ZNF185: variants seen among roughly 807,000 people sequenced by gnomAD.
The protein encoded by ZNF185 is zinc finger protein 185.
In ZNF185, 56 loss-of-function variants were observed where a neutral mutation model predicts 58.6. The observed-to-expected ratio is 0.95, with a 90% CI of 0.77 to 1.19. The LOEUF (loss-of-function observed/expected upper bound fraction) is 1.19, where lower values mean the gene tolerates loss of function less well. Ranked by LOEUF, ZNF185 falls within the 50% of genes most tolerant of loss-of-function variation. The pLI is 0.00. For synonymous variants in ZNF185, 230 were observed against 215.9 expected, an observed-to-expected ratio of 1.07 and a Z score of -0.57; for missense variants, 627 against 573.5, an observed-to-expected ratio of 1.09 and a Z score of -0.95.
the ZNF185 span, among the ~76,000 whole-genome samples, chrX:152,908,772 T>C: frequency 8.8e-6 from 1 of 113,302 alleles, no homozygotes; most frequent in African/African-American, 3.2e-5. Flanking sequence ...CTCAGAGCCC[T>C]GGGAGTGTGG....
At chrX:152,913,742 G>A (rs1197772993), upstream of ZNF185, among the ~76,000 whole-genome samples, 1 of 112,143 alleles carries the variant, frequency 8.9e-6, no homozygotes, top group Non-Finnish European at 1.9e-5. Context: ...CGCTGTTTGA[G>A]GACCACCGCG....
At chrX:152,969,532 C>T (rs2050460213) in intron 21 of ZNF185, 48 bp downstream of exon 23, 4 of 1,027,018 alleles carry the variant, frequency 3.9e-6, no homozygotes, top group Non-Finnish European at 5.4e-6. Context: ...AACTCCTGAT[C>T]ACGTGCTGCT....
chrX:152,948,971 A>T (rs1233896559), intron 16 of ZNF185, among the ~76,000 whole-genome samples: 1 of 111,852 alleles, frequency 8.9e-6, no homozygotes, highest in Non-Finnish European at 1.9e-5. Flanking sequence ...CATGTAAGAA[A>T]TGATGGGGCC....
intron 15 of ZNF185, chrX:152,941,541 G>A (rs2047181693): frequency 1.9e-6 from 1 of 516,687 alleles, no homozygotes; most frequent in East Asian, 1.8e-4. Flanking sequence ...CAGGACGTGT[G>A]CGCCTGCGCG....
At chrX:152,927,413 C>T (rs1556873406) in intron 11 of ZNF185, among the ~76,000 whole-genome samples, 1 of 111,362 alleles carries the variant, frequency 9.0e-6, no homozygotes, top group African/African-American at 3.3e-5. Flanking sequence ...GCCCGCTGAC[C>T]CAGCCCTCCA....
intron 16 of ZNF185, among the ~76,000 whole-genome samples, chrX:152,954,550 C>T (rs1364743278): frequency 8.9e-6 from 1 of 112,091 alleles, no homozygotes; most frequent in Non-Finnish European, 1.9e-5. Flanking sequence ...CGTGAGGTAG[C>T]CTTATGGACT....
intron 14 of ZNF185, 36 bp downstream of exon 16, chrX:152,936,549 A>C: frequency 1.8e-6 from 2 of 1,117,595 alleles, no homozygotes; most frequent in Non-Finnish European, 2.4e-6. Context: ...GCCCTATCCC[A>C]TTGCCAGACA....
intron 1 of ZNF185, 40 bp downstream of exon 2, chrX:152,914,563 G>T: frequency 8.6e-7 from 1 of 1,157,506 alleles, no homozygotes; most frequent in Admixed American, 2.6e-5. Context: ...CTCTGTTTGG[G>T]GCTGTTTGCT....
chrX:152,920,299 A>G, intron 7 of ZNF185, 29 bp from the exon 9 acceptor site: 2 of 1,200,586 alleles, frequency 1.7e-6, no homozygotes, highest in Non-Finnish European at 2.3e-6. Flanking sequence ...GGCACCCATC[A>G]GATGCTCCCC....
chrX:152,937,283 C>G (rs1032438287), intron 14 of ZNF185, among the ~76,000 whole-genome samples: 3 of 111,891 alleles, frequency 2.7e-5, no homozygotes, highest in Non-Finnish European at 5.6e-5. Context: ...AGCAGCAGCT[C>G]TCTTACACAG....
intron 14 of ZNF185, among the ~76,000 whole-genome samples, chrX:152,936,780 CA>C (rs2046338347): frequency 9.1e-6 from 1 of 110,212 alleles, no homozygotes; most frequent in Admixed American, 9.7e-5. Flanking sequence ...GAGAGGAGGG[CA>C]TCTGAAGGCA....
chrX:152,969,609 A>G, intron 21 of ZNF185, 125 bp downstream of exon 23: 1 of 513,938 alleles, frequency 1.9e-6, no homozygotes, highest in Non-Finnish European at 3.3e-6. Flanking sequence ...TGATCTCCAT[A>G]TACAATTGCA....
chrX:152,922,888 T>C, intron 11 of ZNF185, 79 bp downstream of exon 12: 1 of 957,763 alleles, frequency 1.0e-6, no homozygotes, highest in Non-Finnish European at 1.5e-6. Context: ...TTCTGCCAGC[T>C]GGGGAGGGTC....
rs144833973 is a variant in ZNF185, at chrX:152,936,868, G to A, written c.1122-1206G>A. On this transcript the variant is annotated intron_variant, in intron 14 of 22. Transcript: ENST00000449285. The stretch of plus-strand genomic sequence containing the variant: ...GACTACAGCCAGGTTTAGCAAGCAG[G>A]AGTCAGGGAGAAGATTCCCAGGGGC... Among the ~76,000 whole-genome samples, 429 of 110,350 alleles carry A rather than the reference G, an allele frequency of 3.9e-3. 7 individuals are homozygous for A. Among genetic ancestry groups the A allele is most frequent in the African/African-American group, 0.014 (413 of 30,295 alleles).
chrX:152,929,473 C>T (rs1435628700), intron 12 of ZNF185, among the ~76,000 whole-genome samples: 1 of 111,128 alleles, frequency 9.0e-6, no homozygotes, highest in Non-Finnish European at 1.9e-5. Context: ...GGCCTCTCAA[C>T]AGTGTGGTGG....
chrX:152,945,162 G>T, intron 15 of ZNF185, 105 bp from the exon 18 acceptor site: 1 of 898,182 alleles, frequency 1.1e-6, no homozygotes, highest in African/African-American at 2.0e-5. Context: ...TCAGGGATAT[G>T]AGTCCCTCCA....
At chrX:152,953,493 C>T (rs1350723090) in intron 16 of ZNF185, among the ~76,000 whole-genome samples, 6 of 111,322 alleles carry the variant, frequency 5.4e-5, no homozygotes, top group African/African-American at 1.3e-4. Context: ...CCCAAGGGTT[C>T]GAGACCAGCC....
chrX:152,931,850 A>G, intron 13 of ZNF185, 74 bp downstream of exon 14: 1 of 928,663 alleles, frequency 1.1e-6, no homozygotes. Flanking sequence ...AAGGACTTCC[A>G]TGGCCTCCGG....
At chrX:152,925,442 G>A (rs1556872097) in intron 11 of ZNF185, among the ~76,000 whole-genome samples, 1 of 112,743 alleles carries the variant, frequency 8.9e-6, no homozygotes, top group Non-Finnish European at 1.9e-5. Flanking sequence ...GTCATTGCAA[G>A]GTGGCTTTTT....
Sources: gnomAD v4.1 joint callset for allele counts (sites outside exome capture counted in the v4.1 genomes callset) on GRCh38, gnomAD v4.1.1 for gene constraint, MANE v1.5 for transcripts, NCBI Gene and HGNC (gene_info 2026-07-23, HGNC 2026-07-21) for gene names.